ARHGEF7: variants seen among roughly 807,000 people sequenced by gnomAD.
The protein encoded by ARHGEF7 is Rho guanine nucleotide exchange factor 7, also known as PAK-interacting exchange factor beta.
Under a neutral mutation model 109.8 loss-of-function variants are expected in ARHGEF7, and 33 were observed. The observed-to-expected ratio is 0.30, with a 90% CI of 0.23 to 0.40. The LOEUF (loss-of-function observed/expected upper bound fraction) is 0.40. Among genes scored for constraint, ARHGEF7 ranks in the 10% least tolerant of loss-of-function variants. ARHGEF7 has a pLI of 1.00. For synonymous variants in ARHGEF7, 458 were observed against 424.6 expected (o/e 1.08, Z -0.97); for missense variants, 938 against 1,098.5 (o/e 0.85, Z 2.07).
rs747056964 is a variant in ARHGEF7 at position 111,266,926 on chromosome 13, C to G, written c.951-622C>G. On this transcript the variant is annotated intron_variant, in intron 8 of 21. Transcript: ENST00000646102. The surrounding 1 kb of genome is among the most constrained non-coding windows in gnomAD (Gnocchi z 4.8). ...CCGTTAGGCACACCCAACACTGAGGCGGCACCACCAGGGGCCCTGATGCCC... is the reference window on the plus strand; with the variant it reads ...CCGTTAGGCACACCCAACACTGAGGGGGCACCACCAGGGGCCCTGATGCCC... 1.1e-5 allele frequency: 5 copies of G among 455,716 alleles called. No individual in the cohort carries two copies. The highest frequency in any genetic ancestry group is 9.4e-5 in the Admixed American group (4 of 42,552). 28.2% of individuals were successfully genotyped at this position (455,716 alleles called of 1,614,324 possible).
intron 2 of ARHGEF7, chr13:111,182,809 T>C (rs2078890720): frequency 6.6e-6 from 1 of 152,230 alleles, no homozygotes; most frequent in Non-Finnish European, 1.5e-5. Flanking sequence ...TTTTTGACTT[T>C]GCCATGGTGC....
At chr13:111,135,384 C>G (rs1350613468) in intron 1 of ARHGEF7, among the ~76,000 whole-genome samples, 1 of 152,112 alleles carries the variant, frequency 6.6e-6, no homozygotes, top group Non-Finnish European at 1.5e-5. Context: ...TATAAATTAC[C>G]TTGGGCAGTA....
chr13:111,294,695 C>T (rs2093386109), intron 19 of ARHGEF7: 1 of 985,282 alleles, frequency 1.0e-6, no homozygotes. Context: ...ATCCAGAGGG[C>T]CATTGTTTCT....
In ARHGEF7 at chr13:111,120,561, G is replaced by A. The variant is rs563095893; in HGVS notation, c.165+4870G>A. ...ACGGGGGTTGAGGGAGTGGGGGAAG[G>A]AGTGCTGGCACATGTGGCATTCCAT... On this transcript the variant is annotated intron_variant, in intron 1 of 21. Transcript: ENST00000646102. Among the ~76,000 whole-genome samples the A allele has an allele frequency of 3.3e-5, 5 of 152,292 alleles. No individual in the cohort carries two copies. The South Asian group carries it at 1.0e-3, about 32-fold the overall frequency.
chr13:111,289,070 C>T (rs1013945526), intron 18 of ARHGEF7, among the ~76,000 whole-genome samples: 2 of 151,866 alleles, frequency 1.3e-5, no homozygotes, highest in African/African-American at 4.8e-5. Context: ...CTCGCTCTGT[C>T]ACCCAGGCTG....
Position 111,290,327 on chromosome 13 carries a change from A to C in ARHGEF7, c.2135-1791A>C, listed in dbSNP as rs116941921. On this transcript the variant is annotated intron_variant, in intron 18 of 21. Transcript: ENST00000646102. ...AGTAACAATATAACAGTAAAAAATA[A>C]TACAAATAAAAAATAATTATACTTA... Among the ~76,000 whole-genome samples, 388 of 152,346 alleles carry C rather than the reference A, an allele frequency of 2.5e-3. 1 individual carries two copies. Among genetic ancestry groups the C allele is most frequent in the South Asian group, 0.011 (54 of 4,830 alleles).
At chr13:111,293,504 T>G in intron 19 of ARHGEF7, 1 of 984,578 alleles carries the variant, frequency 1.0e-6, no homozygotes, top group South Asian at 4.7e-5. Context: ...CTGGCCTCAC[T>G]CAGACCAATT....
intron 8 of ARHGEF7, among the ~76,000 whole-genome samples, chr13:111,248,314 C>T (rs928052317): frequency 2.0e-5 from 3 of 151,912 alleles, no homozygotes; most frequent in African/African-American, 4.8e-5. Flanking sequence ...GTTCCCCGTC[C>T]GCTTCCTAGA....
Position 111,184,891 on chromosome 13 carries a change from CG to C in ARHGEF7, c.253-20397del, listed in dbSNP as rs1289838322. 3.9e-5 allele frequency: 6 copies of C among 152,444 alleles called. No individual in the cohort carries two copies. In the East Asian group the frequency reaches 1.2e-3, roughly 29 times the overall value. 9.4% of individuals were successfully genotyped at this position (152,444 alleles called of 1,614,324 possible). A position where few individuals can be genotyped will look rare whatever the true frequency, so the allele number is the denominator to read the frequency against. ...ATGGAGGGCTCTAGAAGCAGCTACA[CG>C]AGCAGAGCTGAGGGAGACACTTTCT... On this transcript the variant is annotated intron_variant, in intron 2 of 21. Coordinates refer to ENST00000646102, the MANE Select transcript of ARHGEF7 (RefSeq NM_001354046.2).
chr13:111,297,936 T>C (rs1390630952), intron 19 of ARHGEF7, among the ~76,000 whole-genome samples: 2 of 152,246 alleles, frequency 1.3e-5, no homozygotes, highest in African/African-American at 2.4e-5. Context: ...CTTTTTCCAG[T>C]GTGTCTCATT....
rs1164698900 is a variant in ARHGEF7 at position 111,239,347 on chromosome 13, G to A, written c.760-4525G>A. Among the ~76,000 whole-genome samples, 3 of 152,126 alleles carry A rather than the reference G, an allele frequency of 2.0e-5. No homozygotes were observed. In the East Asian group the frequency reaches 5.8e-4, roughly 29 times the overall value. Reference sequence around the variant, plus strand: ...TGTATAAAACGGTTATGTATCCTTAGATGCCATCACACACATCCACGGGCC... The same window carrying A: ...TGTATAAAACGGTTATGTATCCTTAAATGCCATCACACACATCCACGGGCC... On this transcript the variant is annotated intron_variant, in intron 6 of 21. Transcript: ENST00000646102. This position sits in a 1 kb window ranked among gnomAD's most constrained non-coding sequence, Gnocchi z 4.3.
In ARHGEF7 at chr13:111,228,473, C is replaced by T. The variant is rs1317029031; in HGVS notation, c.671-4732C>T. Among the ~76,000 whole-genome samples the T allele has an allele frequency of 1.3e-5, 2 of 152,124 alleles. No individual in the cohort carries two copies. The highest frequency in any genetic ancestry group is 2.1e-4 in the South Asian group (1 of 4,822). Reference sequence around the variant, plus strand: ...CTTCCAGCAGAGAACACGGCGGGAGCGGATGAGGCAGGCTCGATGCTGAGG... The same window carrying T: ...CTTCCAGCAGAGAACACGGCGGGAGTGGATGAGGCAGGCTCGATGCTGAGG... On this transcript the variant is annotated intron_variant, in intron 5 of 21. Coordinates refer to ENST00000646102, the MANE Select transcript of ARHGEF7 (RefSeq NM_001354046.2). This position sits in a 1 kb window ranked among gnomAD's most constrained non-coding sequence, Gnocchi z 4.6.
chr13:111,279,169 G>A (rs1341049436), intron 13 of ARHGEF7, among the ~76,000 whole-genome samples: 2 of 152,310 alleles, frequency 1.3e-5, no homozygotes, highest in Non-Finnish European at 2.9e-5. Context: ...TATGCATTAC[G>A]AATCTTGGAA....
intron 2 of ARHGEF7, among the ~76,000 whole-genome samples, chr13:111,203,609 T>A (rs943612359): frequency 6.6e-6 from 1 of 152,242 alleles, no homozygotes; most frequent in African/African-American, 2.4e-5. Flanking sequence ...TGATATTTCC[T>A]TGTGAACTTT....
chr13:111,118,233 C>T (rs568084158), intron 1 of ARHGEF7, among the ~76,000 whole-genome samples: 6 of 152,202 alleles, frequency 3.9e-5, no homozygotes, highest in Admixed American at 6.5e-5. Flanking sequence ...TCTTCCATTA[C>T]GCTCATTTGT....
intron 1 of ARHGEF7, among the ~76,000 whole-genome samples, chr13:111,146,099 C>T (rs1257396803): frequency 6.6e-6 from 1 of 152,132 alleles, no homozygotes; most frequent in African/African-American, 2.4e-5. Context: ...TAGCTGTGGA[C>T]AGAACCACAT....
chr13:111,149,196 G>A (rs1345170444), intron 1 of ARHGEF7, among the ~76,000 whole-genome samples: 1 of 151,592 alleles, frequency 6.6e-6, no homozygotes, highest in Non-Finnish European at 1.5e-5. Flanking sequence ...GATTGCTTGA[G>A]CCCAGGAGTT....
chr13:111,138,800 A>C (rs1281892011), intron 1 of ARHGEF7, among the ~76,000 whole-genome samples: 3 of 152,208 alleles, frequency 2.0e-5, no homozygotes, highest in African/African-American at 7.2e-5. Context: ...ACCCCACCCC[A>C]AGTCTGGCCA....
chr13:111,251,415 T>C (rs2089757763), intron 8 of ARHGEF7, among the ~76,000 whole-genome samples: 1 of 152,070 alleles, frequency 6.6e-6, no homozygotes, highest in Non-Finnish European at 1.5e-5. Context: ...TCAAGAGTAG[T>C]TGGAAGCCGC....
Sources: gnomAD v4.1 joint callset for allele counts (sites outside exome capture counted in the v4.1 genomes callset) on GRCh38, gnomAD v4.1.1 for gene constraint, Gnocchi (gnomAD v3.1) non-coding constraint, MANE v1.5 for transcripts, NCBI Gene and HGNC (gene_info 2026-07-23, HGNC 2026-07-21) for gene names.